The following SLC25A21 variants were observed in gnomAD, a reference collection of about 807,000 sequenced individuals.
SLC25A21 encodes solute carrier family 25 member 21.
A neutral mutation model predicts 43.8 loss-of-function variants in SLC25A21; 47 were observed. That is an observed-to-expected ratio of 1.07 (90% CI 0.85 to 1.37). The LOEUF (loss-of-function observed/expected upper bound fraction) is 1.37, where lower values mean the gene tolerates loss of function less well. Among genes scored for constraint, SLC25A21 ranks in the 40% most tolerant of loss-of-function variants. The probability of loss-of-function intolerance (pLI) is 0.00; values close to 1 mark genes in which losing one functional copy is unlikely to be tolerated. For synonymous variants in SLC25A21, 131 were observed against 121.3 expected (o/e 1.08, Z -0.52); for missense variants, 352 against 350.2 (o/e 1.00, Z -0.04).
At chr14:36,703,048 AGT>A (rs1883350468) in intron 7 of SLC25A21, among the ~76,000 whole-genome samples, 1 of 152,220 alleles carries the variant, frequency 6.6e-6, no homozygotes, top group South Asian at 2.1e-4. Flanking sequence ...GTTTTTCCCC[AGT>A]GGTTTCTAGA....
rs1486546146 is a variant in SLC25A21, at chr14:36,743,729, T to A, written c.204-9156A>T. On this transcript the variant is annotated intron_variant, in intron 3 of 9. Transcript: ENST00000331299. ...AGAGCAATCAGGCAAGAGAAAGAAA[T>A]AAAAGGATCAAAATTGGAAAAGGAA... Among the ~76,000 whole-genome samples, 9 of 152,084 alleles carry A rather than the reference T, an allele frequency of 5.9e-5. No homozygotes were observed. In the East Asian group the frequency reaches 1.7e-3, roughly 29 times the overall value.
At chr14:36,799,546 C>A (rs933215935) in intron 3 of SLC25A21, among the ~76,000 whole-genome samples, 1 of 152,150 alleles carries the variant, frequency 6.6e-6, no homozygotes, top group Non-Finnish European at 1.5e-5. Context: ...TAACTGATGT[C>A]ACCAACCAAT....
intron 3 of SLC25A21, among the ~76,000 whole-genome samples, chr14:36,786,227 T>C (rs1342026210): frequency 6.6e-6 from 1 of 152,176 alleles, no homozygotes; most frequent in African/African-American, 2.4e-5. Context: ...GTAATGTGTG[T>C]AAAGGACCCT....
intron 1 of SLC25A21, among the ~76,000 whole-genome samples, chr14:36,917,420 A>C (rs187646939): frequency 9.9e-5 from 15 of 152,076 alleles, no homozygotes; most frequent in Non-Finnish European, 1.8e-4. Context: ...ATAATTAAGC[A>C]CCTTTCCCAC....
At chr14:36,712,599 G>T (rs1883931851) in intron 6 of SLC25A21, among the ~76,000 whole-genome samples, 1 of 152,102 alleles carries the variant, frequency 6.6e-6, no homozygotes, top group Non-Finnish European at 1.5e-5. Flanking sequence ...TGTTTATATA[G>T]TAAATCCTAT....
chr14:36,977,306 T>C (rs997897401), intron 1 of SLC25A21, among the ~76,000 whole-genome samples: 1 of 152,186 alleles, frequency 6.6e-6, no homozygotes, highest in Non-Finnish European at 1.5e-5. Flanking sequence ...GAAGGAGACT[T>C]ATTGCATTGA....
chr14:36,910,185 T>A (rs1276115329), intron 1 of SLC25A21, among the ~76,000 whole-genome samples: 3 of 152,204 alleles, frequency 2.0e-5, no homozygotes, highest in African/African-American at 7.2e-5. Flanking sequence ...ACAGAGATCA[T>A]CATGGATCAC....
chr14:36,688,506 C>T (rs1255958164), intron 7 of SLC25A21, among the ~76,000 whole-genome samples: 1 of 152,236 alleles, frequency 6.6e-6, no homozygotes, highest in Non-Finnish European at 1.5e-5. Flanking sequence ...TCTACCCAGA[C>T]CCCTGTTACC....
intron 6 of SLC25A21, among the ~76,000 whole-genome samples, chr14:36,718,337 G>A (rs1034382213): frequency 1.3e-5 from 2 of 152,168 alleles, no homozygotes; most frequent in African/African-American, 4.8e-5. Context: ...ATCATAGACT[G>A]GAAAGAAATA....
chr14:36,827,210 A>T (rs141141185), intron 2 of SLC25A21, among the ~76,000 whole-genome samples: 91 of 152,320 alleles, frequency 6.0e-4, no homozygotes, highest in African/African-American at 2.1e-3. Flanking sequence ...TAGTTTGACA[A>T]TTTGACAAAA....
At chr14:37,047,761 T>C (rs1961619153) in intron 1 of SLC25A21, among the ~76,000 whole-genome samples, 1 of 152,240 alleles carries the variant, frequency 6.6e-6, no homozygotes, top group Non-Finnish European at 1.5e-5. Context: ...TACCCACATG[T>C]TGTGACAGAA....
intron 1 of SLC25A21, among the ~76,000 whole-genome samples, chr14:37,163,460 C>T (rs541751791): frequency 2.0e-5 from 3 of 152,034 alleles, no homozygotes; most frequent in South Asian, 4.2e-4. Flanking sequence ...ACCATGATAA[C>T]ATCAAAGTGT....
chr14:36,810,924 T>C (rs935837700), intron 3 of SLC25A21, among the ~76,000 whole-genome samples: 8 of 104,012 alleles, frequency 7.7e-5, no homozygotes, highest in African/African-American at 2.6e-4. Flanking sequence ...GAGAAAAGAG[T>C]GGGGGAAATA....
intron 3 of SLC25A21, among the ~76,000 whole-genome samples, chr14:36,748,470 T>C (rs1252203353): frequency 1.3e-5 from 2 of 152,246 alleles, no homozygotes; most frequent in Non-Finnish European, 2.9e-5. Flanking sequence ...TGAGTCAACG[T>C]CTACATGTAC....
rs941444564 is a variant in SLC25A21, at chr14:36,708,609, T to A, written c.603+2709A>T. 4.7e-4 allele frequency among the ~76,000 whole-genome samples: 71 copies of A among 152,302 alleles called. 1 individual carries two copies. The highest frequency in any genetic ancestry group is 1.6e-3 in the African/African-American group (68 of 41,568). ...CTCACCACAGCACCTGGCTAATTTT[T>A]AAAATTTTGTAGAGACAGGGTCTCA... On this transcript the variant is annotated intron_variant, in intron 7 of 9. Coordinates refer to ENST00000331299, the MANE Select transcript of SLC25A21 (RefSeq NM_030631.4).
At chr14:37,153,544 G>A (rs917280241) in intron 1 of SLC25A21, among the ~76,000 whole-genome samples, 1 of 152,224 alleles carries the variant, frequency 6.6e-6, no homozygotes, top group African/African-American at 2.4e-5. Context: ...CTAAGCATCA[G>A]CTACCACTGC....
chr14:36,802,798 G>A (rs1198757887), intron 3 of SLC25A21, among the ~76,000 whole-genome samples: 1 of 152,244 alleles, frequency 6.6e-6, no homozygotes, highest in Admixed American at 6.5e-5. Context: ...ATATGTGTGA[G>A]AAATATGCAC....
At chr14:37,131,283 C>G (rs1302448580) in intron 1 of SLC25A21, among the ~76,000 whole-genome samples, 1 of 152,194 alleles carries the variant, frequency 6.6e-6, no homozygotes, top group Admixed American at 6.5e-5. Context: ...TCAATGTTAA[C>G]ACTAAGGCAT....
chr14:37,009,294 C>A (rs1351568267), intron 1 of SLC25A21, among the ~76,000 whole-genome samples: 2 of 152,060 alleles, frequency 1.3e-5, no homozygotes, highest in Non-Finnish European at 2.9e-5. Flanking sequence ...TTGAGACCAG[C>A]CTGGCCAACA....
Sources: gnomAD v4.1 joint callset for allele counts (sites outside exome capture counted in the v4.1 genomes callset) on GRCh38, gnomAD v4.1.1 for gene constraint, MANE v1.5 for transcripts, NCBI Gene and HGNC (gene_info 2026-07-23, HGNC 2026-07-21) for gene names.